Variants in ZNF821 observed in about 807,000 individuals in gnomAD.
ZNF821 encodes zinc finger protein 821.
Under a neutral mutation model 44.3 loss-of-function variants are expected in ZNF821, and 16 were observed. The observed-to-expected ratio is 0.36, with a 90% confidence interval of 0.24 to 0.55. The LOEUF (loss-of-function observed/expected upper bound fraction) is 0.55. Among genes scored for constraint, ZNF821 ranks in the 20% least tolerant of loss-of-function variants. The pLI is 0.86. For missense variants in ZNF821, 436 were observed against 547.6 expected (o/e 0.80, Z 2.03); for synonymous variants, 204 against 197.6 (o/e 1.03, Z -0.27).
At chr16:71,874,746 G>A (rs143029963) in intron 3 of ZNF821, among the ~76,000 whole-genome samples, 415 of 152,236 alleles carry the variant, frequency 2.7e-3, no homozygotes, top group Non-Finnish European at 4.3e-3. Flanking sequence ...GAGCCACCAC[G>A]CTAGGCCCCA....
At chr16:71,891,016 C>T (rs183222398) in intron 1 of ZNF821, among the ~76,000 whole-genome samples, 3 of 151,626 alleles carry the variant, frequency 2.0e-5, no homozygotes, top group African/African-American at 4.8e-5. Context: ...CCTCGTGATC[C>T]GCCCGCCTCA....
Position 71,879,996 on chromosome 16 carries a change from T to C in ZNF821, c.-50A>G, listed in dbSNP as rs748566174. 6 of 1,570,142 alleles carry C rather than the reference T, an allele frequency of 3.8e-6. No individual in the cohort carries two copies. Among genetic ancestry groups the C allele is most frequent in the Non-Finnish European group, 5.2e-6 (6 of 1,144,960 alleles). The stretch of plus-strand genomic sequence containing the variant: ...TCTTTCCCAGTTTCACGACTGGATA[T>C]GTTACTACCTCCTTGCAAGATGCTA... On this transcript the variant is annotated 5_prime_UTR_variant, in exon 3 of 8. Transcript: ENST00000425432.
At chr16:71,891,995 C>CAA (rs58554253) in intron 1 of ZNF821, among the ~76,000 whole-genome samples, 4,442 of 21,144 alleles carry the variant, frequency 0.21, 1,184 homozygotes, top group East Asian at 0.61. Flanking sequence ...GACTCCGTCT[C>CAA]AAAAAAAAAA....
intron 3 of ZNF821, among the ~76,000 whole-genome samples, chr16:71,878,296 G>T (rs1318018416): frequency 6.6e-6 from 1 of 151,562 alleles, no homozygotes; most frequent in Non-Finnish European, 1.5e-5. Flanking sequence ...TGTATTTTTA[G>T]TGGAGATGAG....
chr16:71,893,229 G>T (rs972634910), intron 1 of ZNF821, among the ~76,000 whole-genome samples: 2 of 150,964 alleles, frequency 1.3e-5, no homozygotes, highest in Non-Finnish European at 2.9e-5. Context: ...GGGTTTCACC[G>T]TGTTAGCCAG....
intron 1 of ZNF821, among the ~76,000 whole-genome samples, chr16:71,891,207 C>T (rs1398422842): frequency 1.3e-5 from 2 of 152,172 alleles, no homozygotes; most frequent in African/African-American, 2.4e-5. Context: ...AACACTGTGT[C>T]TGGTTTTAGT....
rs766469126 is a variant in ZNF821, at chr16:71,861,739, T to C, written c.584+37A>G. The C allele has an allele frequency of 6.2e-6, 10 of 1,609,064 alleles. No individual in the cohort carries two copies. The South Asian group carries it at 1.1e-4, about 18-fold the overall frequency. On this transcript the variant is annotated intron_variant, in intron 7 of 7. Transcript: ENST00000425432. The stretch of plus-strand genomic sequence containing the variant: ...GAAAGCAGAACTCACACCCAGTAAT[T>C]TGCTCCCAGCACAACAGGGATAAGT...
Position 71,893,029 on chromosome 16 carries a change from C to CTTTTT in ZNF821, n.448+1855_448+1859dup, listed in dbSNP as rs1199482590. On this transcript the variant is annotated intron_variant and non_coding_transcript_variant, in intron 1 of 2. Transcript: ENST00000561700. ...TACAGGCATGAGCCACCCTGCCTGG[C>CTTTTT]TTTTTTTTTTTTTTTTTTGAGATAT... Among the ~76,000 whole-genome samples, 12 of 65,918 alleles carry CTTTTT rather than the reference C, an allele frequency of 1.8e-4. 1 individual carries two copies. In the South Asian group the frequency reaches 2.6e-3, roughly 14 times the overall value. The allele number at this position is 65,918 out of a possible 152,430, so 43.2% of individuals were successfully genotyped here.
chr16:71,891,837 A>T (rs541755804), intron 1 of ZNF821, among the ~76,000 whole-genome samples: 35 of 151,874 alleles, frequency 2.3e-4, no homozygotes, highest in Admixed American at 7.9e-4. Flanking sequence ...GTGAAACCTC[A>T]TCTTTACTAA....
At position 71,860,799 on chromosome 16, in the gene ZNF821, T is replaced by C. The variant is rs983016018; in HGVS notation, c.585-127A>G. ...CACCACAAGGGGTCAGTTTGAATGC[T>C]TGGTGGACCTCTTCTGCTGCTCCAT... On this transcript the variant is annotated intron_variant, in intron 7 of 7. Transcript: ENST00000425432. This position sits in a 1 kb window ranked among gnomAD's most constrained non-coding sequence, Gnocchi z 7.3. 1.3e-5 allele frequency: 11 copies of C among 851,292 alleles called. No individual in the cohort carries two copies. The highest frequency in any genetic ancestry group is 2.8e-5 in the Admixed American group (1 of 35,198). The allele number at this position is 851,292 out of a possible 1,614,324, so 52.7% of individuals were successfully genotyped here. A position where few individuals can be genotyped will look rare whatever the true frequency, so the allele number is the denominator to read the frequency against.
rs150600107 is a variant in ZNF821, at chr16:71,876,743, C to T, written c.40+3164G>A. ...CCACCTCTGTCTCCCAAGTAGCTGG[C>T]GCTACAGGTGTGTGCCACCTCGCCC... On this transcript the variant is annotated intron_variant, in intron 3 of 7. Transcript: ENST00000425432. Among the ~76,000 whole-genome samples, 505 of 152,052 alleles carry T rather than the reference C, an allele frequency of 3.3e-3. 3 individuals are homozygous for T. Among genetic ancestry groups the T allele is most frequent in the African/African-American group, 0.012 (483 of 41,472 alleles).
chr16:71,894,698 CTTTT>C (rs35889170), intron 1 of ZNF821: 373 of 442,152 alleles, frequency 8.4e-4, no homozygotes, highest in Non-Finnish European at 9.5e-4. Flanking sequence ...TAATTTTTAA[CTTTT>C]TTTTTTTTTT....
upstream of ZNF821, among the ~76,000 whole-genome samples, chr16:71,888,477 T>C (rs1176579684): frequency 6.6e-6 from 1 of 152,180 alleles, no homozygotes; most frequent in Admixed American, 6.5e-5. Context: ...GGCAATTTTA[T>C]TCTTTTGCAT....
intron 7 of ZNF821, among the ~76,000 whole-genome samples, chr16:71,861,389 A>C (rs1404854785): frequency 6.6e-6 from 1 of 152,184 alleles, no homozygotes; most frequent in Non-Finnish European, 1.5e-5. Flanking sequence ...CTGCATGCAA[A>C]GGCAGACTCT....
upstream of ZNF821, among the ~76,000 whole-genome samples, chr16:71,887,171 C>G (rs2036862549): frequency 6.6e-6 from 1 of 151,290 alleles, no homozygotes; most frequent in Non-Finnish European, 1.5e-5. Flanking sequence ...TTTGTGTAAA[C>G]ATATGTCTTT....
chr16:71,883,124 G>A, intron 2 of ZNF821, 87 bp downstream of exon 2: 1 of 456,442 alleles, frequency 2.2e-6, no homozygotes, highest in Non-Finnish European at 4.4e-6. Flanking sequence ...CAGGTATTAG[G>A]TTGCAGCGTC....
At chr16:71,894,889 C>G in exon 1 of ZNF821, 1 of 1,433,508 alleles carries the variant, frequency 7.0e-7, no homozygotes, top group South Asian at 1.2e-5. Context: ...CTCTGAATAC[C>G]GAGATAAATT....
rs2036650197 is a variant in ZNF821 at position 71,883,553 on chromosome 16, G to C, written c.-140-280C>G. 3 of 185,254 alleles carry C rather than the reference G, an allele frequency of 1.6e-5. No homozygotes were observed. In the South Asian group the frequency reaches 2.5e-4, roughly 16 times the overall value. The allele number at this position is 185,254 out of a possible 1,614,324, so 11.5% of individuals were successfully genotyped here. A position where few individuals can be genotyped will look rare whatever the true frequency, so the allele number is the denominator to read the frequency against. On this transcript the variant is annotated intron_variant, in intron 1 of 7. Coordinates refer to ENST00000425432, the MANE Select transcript of ZNF821 (RefSeq NM_001201552.2). ...CAGACGCGGGGACTGATACCCCCCG[G>C]TCTGCACGCCCACGCCCATCCTCCC...
chr16:71,872,356 G>A (rs1259544030), intron 3 of ZNF821, among the ~76,000 whole-genome samples: 1 of 151,960 alleles, frequency 6.6e-6, no homozygotes, highest in Admixed American at 6.6e-5. Flanking sequence ...GCTCACGCCT[G>A]TAATCCCAGT....
Sources: gnomAD v4.1 joint callset for allele counts (sites outside exome capture counted in the v4.1 genomes callset) on GRCh38, gnomAD v4.1.1 for gene constraint, Gnocchi (gnomAD v3.1) non-coding constraint, MANE v1.5 for transcripts, NCBI Gene and HGNC (gene_info 2026-07-23, HGNC 2026-07-21) for gene names.